CSTF3: variants seen among roughly 807,000 people sequenced by gnomAD.
The protein encoded by CSTF3 is cleavage stimulation factor subunit 3, also known as CF-1 77 kDa subunit.
CSTF3 carries 29 observed loss-of-function variants against 105.8 expected under a neutral mutation model. The ratio of observed to expected loss-of-function variants is 0.27; its 90% confidence interval spans 0.20 to 0.37. CSTF3 has a LOEUF of 0.37. CSTF3 is among the 10% of genes least tolerant of loss of function. CSTF3 has a pLI of 1.00. For missense variants in CSTF3, 357 were observed against 879.3 expected (o/e 0.41, Z 7.51); for synonymous variants, 252 against 281.9 (o/e 0.89, Z 1.06).
At position 33,154,481 on chromosome 11, in the gene CSTF3, G is replaced by A. The variant is rs903290170; in HGVS notation, c.27+6818C>T. ...TAAAAGTAGACCGGAGTAGCACTCC[G>A]TAAGACTTTCTTTTTTTTTTTTTTT... On this transcript the variant is annotated intron_variant, in intron 1 of 20. Transcript: ENST00000323959. 1.6e-3 allele frequency among the ~76,000 whole-genome samples: 218 copies of A among 139,996 alleles called. 2 individuals are homozygous for A. The highest frequency in any genetic ancestry group is 5.2e-3 in the African/African-American group (198 of 38,420). The allele number at this position is 139,996 out of a possible 152,430, so 91.8% of individuals were successfully genotyped here.
chr11:33,113,407 TTGGGAGGCTGAGG>T (rs1386914342), intron 3 of CSTF3, among the ~76,000 whole-genome samples: 1 of 151,986 alleles, frequency 6.6e-6, no homozygotes, highest in Non-Finnish European at 1.5e-5. Context: ...TCCCGGCTGC[TTGGGAGGCTGAGG>T]TGGGAGGATT....
At chr11:33,140,959 C>A (rs1590282920) in intron 3 of CSTF3, 1 of 152,008 alleles carries the variant, frequency 6.6e-6, no homozygotes, top group East Asian at 1.9e-4. Flanking sequence ...TTCCAGTCTT[C>A]AAAAATTAAC....
Position 33,099,650 on chromosome 11 carries a change from G to C in CSTF3, c.894C>G (p.Ala298=). The C allele has an allele frequency of 1.2e-6, 2 of 1,611,852 alleles. No homozygotes were observed. Among genetic ancestry groups the C allele is most frequent in the Non-Finnish European group, 1.7e-6 (2 of 1,179,102 alleles). ...GTTTACTTGACTGCTCAAGATACTG[G>C]GCAGCTTCATACCAAATATCAGGGT... is the stretch of plus-strand genomic sequence containing the variant. ...GHHPDIWYEA[A]QYLEQSSKLL... Residue 298 remains alanine, a synonymous_variant, in exon 11 of 21, where the codon GCC becomes GCG. Coordinates refer to ENST00000323959, the MANE Select transcript of CSTF3 (RefSeq NM_001326.3). The surrounding 1 kb of genome is among the most constrained non-coding windows in gnomAD (Gnocchi z 4.1).
At chr11:33,093,328 CA>C (rs1855187542) in intron 15 of CSTF3, among the ~76,000 whole-genome samples, 1 of 152,188 alleles carries the variant, frequency 6.6e-6, no homozygotes, top group South Asian at 2.1e-4. Context: ...GCTCCAGACA[CA>C]CTTTTTACCA....
intron 17 of CSTF3, among the ~76,000 whole-genome samples, chr11:33,089,856 A>G (rs1855147992): frequency 6.6e-6 from 1 of 152,210 alleles, no homozygotes; most frequent in South Asian, 2.1e-4. Context: ...TGTCACAGAA[A>G]GATTAAGAGA....
chr11:33,094,105 G>T (rs1189373485), intron 15 of CSTF3, among the ~76,000 whole-genome samples: 2 of 152,188 alleles, frequency 1.3e-5, no homozygotes, highest in African/African-American at 4.8e-5. Context: ...TCTTCTCTGT[G>T]CTTCCATAGT....
At chr11:33,085,414 CTAAA>C (rs1179348733) in intron 20 of CSTF3, 125 bp from the exon 21 acceptor site, 3 of 780,850 alleles carry the variant, frequency 3.8e-6, no homozygotes, top group Non-Finnish European at 5.8e-6. Flanking sequence ...ACTACTGATA[CTAAA>C]TAATTAAAGA....
At chr11:33,140,702 GA>G (rs1183940072) in intron 3 of CSTF3, among the ~76,000 whole-genome samples, 1 of 152,016 alleles carries the variant, frequency 6.6e-6, no homozygotes, top group Non-Finnish European at 1.5e-5. Flanking sequence ...AGGTACAGCA[GA>G]AAATGTTATG....
intron 1 of CSTF3, among the ~76,000 whole-genome samples, chr11:33,149,076 G>A (rs1417280552): frequency 6.6e-6 from 1 of 152,064 alleles, no homozygotes; most frequent in African/African-American, 2.4e-5. Flanking sequence ...GATGAGTGCT[G>A]CTGCTAACAC....
intron 3 of CSTF3, among the ~76,000 whole-genome samples, chr11:33,124,856 T>C (rs1330922769): frequency 1.3e-5 from 2 of 152,234 alleles, no homozygotes; most frequent in Admixed American, 6.5e-5. Context: ...CACTGTCTTC[T>C]AGCTTCCCTT....
Position 33,085,132 on chromosome 11 carries a change from A to T in CSTF3, c.2109T>A (p.Pro703=). The change falls in exon 21 of 21, where the codon CCT becomes CCA. Residue 703 remains proline, a synonymous_variant. Coordinates refer to ENST00000323959, the MANE Select transcript of CSTF3 (RefSeq NM_001326.3). ...EDEEKGAVVP[P]VHDIYRARQQ... ...GCCGTGCTCTGTAAATGTCATGAAC[A>T]GGGGGGACAACGGCTCCCTTTTCTT... 1.2e-6 allele frequency: 2 copies of T among 1,614,140 alleles called. No homozygotes were observed. The highest frequency in any genetic ancestry group is 1.7e-6 in the Non-Finnish European group (2 of 1,180,018).
chr11:33,161,240 T>C, intron 1 of CSTF3, 59 bp downstream of exon 1: 1 of 1,598,766 alleles, frequency 6.3e-7, no homozygotes, highest in Non-Finnish European at 8.6e-7. Flanking sequence ...TCTGGAGCAG[T>C]CGGAGGAACA....
intron 17 of CSTF3, 72 bp downstream of exon 17, chr11:33,090,460 C>T (rs1234191728): frequency 3.3e-5 from 28 of 857,850 alleles, no homozygotes; most frequent in Middle Eastern, 3.7e-4. Context: ...ATTTAGAGTG[C>T]AGGTTATCAA....
At chr11:33,122,944 AAAGAAAAG>A (rs914101540) in intron 3 of CSTF3, among the ~76,000 whole-genome samples, 3 of 149,066 alleles carry the variant, frequency 2.0e-5, no homozygotes, top group African/African-American at 7.3e-5. Context: ...AGAAAAGAAA[AAAGAAAAG>A]AAAAGTATGT....
intron 1 of CSTF3, among the ~76,000 whole-genome samples, chr11:33,152,166 G>A (rs1322017934): frequency 6.6e-5 from 10 of 152,158 alleles, no homozygotes; most frequent in Non-Finnish European, 1.2e-4. Flanking sequence ...AAGGTGGGAG[G>A]ATCCCTTGAG....
At chr11:33,152,732 G>T (rs1019963845) in intron 1 of CSTF3, among the ~76,000 whole-genome samples, 5 of 152,096 alleles carry the variant, frequency 3.3e-5, no homozygotes, top group African/African-American at 1.2e-4. Context: ...AGGCCGAGGT[G>T]GGCGGATCAC....
Position 33,098,699 on chromosome 11 carries a change from G to A in CSTF3, c.1119C>T (p.Asp373=), listed in dbSNP as rs1278723640. The change falls in exon 13 of 21, where the codon GAC becomes GAT. Residue 373 remains aspartate (D), a synonymous_variant. Coordinates refer to ENST00000323959, the MANE Select transcript of CSTF3 (RefSeq NM_001326.3). ...YNRLLAIEDI[D]PTLVYIQYMK... is the part of the protein sequence containing the mutation. ...TTGTAAAGTTACTCACCAAGGTAGG[G>A]TCAATATCCTCAATTGCCAGAAGTC... The A allele has an allele frequency of 1.3e-6, 2 of 1,580,264 alleles. No homozygotes were observed. Among genetic ancestry groups the A allele is most frequent in the African/African-American group, 1.4e-5 (1 of 72,880 alleles).
rs771844785 is a variant in CSTF3 at position 33,085,945 on chromosome 11, G to A, written c.1840C>T (p.Pro614Ser). Residue 614 changes from proline to serine, a missense_variant, in exon 19 of 21, where the codon CCT becomes TCT. Around this residue, in one of 4 missense-constraint regions of CSTF3, gnomAD observed 206 missense variants for 576.5 expected, o/e 0.36. Transcript: ENST00000323959. ...AGTTTCATTAAAACAACAGCTGCAG[G>A]AGGGACTGGGAACACTCCACCAGGT... The part of the protein sequence containing the change: ...PVPGGVFPVP[P>S]AAVVLMKLLP... 4 of 1,540,472 alleles carry A rather than the reference G, an allele frequency of 2.6e-6. No homozygotes were observed. Among genetic ancestry groups the A allele is most frequent in the Non-Finnish European group, 3.5e-6 (4 of 1,148,000 alleles).
At chr11:33,090,966 A>G (rs1259330244) in intron 16 of CSTF3, among the ~76,000 whole-genome samples, 2 of 152,190 alleles carry the variant, frequency 1.3e-5, no homozygotes, top group African/African-American at 2.4e-5. Context: ...AAGTATTTCA[A>G]AGTAAATTAT....
Sources: allele counts gnomAD v4.1 joint callset (sites outside exome capture counted in the v4.1 genomes callset), GRCh38; gene constraint gnomAD v4.1.1; regional missense constraint gnomAD v4.1.1; non-coding constraint Gnocchi (gnomAD v3.1); transcripts MANE v1.5; gene names NCBI Gene and HGNC (gene_info 2026-07-23, HGNC 2026-07-21).